PCBP3: variants seen among roughly 807,000 people sequenced by gnomAD.
PCBP3 encodes the protein poly(rC)-binding protein 3.
PCBP3 carries 25 observed loss-of-function variants against 52.7 expected under a neutral mutation model. That is an observed-to-expected ratio of 0.47 (90% CI 0.35 to 0.66). The LOEUF (loss-of-function observed/expected upper bound fraction) is 0.66, where lower values mean the gene tolerates loss of function less well. Among genes scored for constraint, PCBP3 ranks in the 30% least tolerant of loss-of-function variants. The pLI is 0.01. For synonymous variants in PCBP3, 162 were observed against 183.0 expected (o/e 0.89, Z 0.93); for missense variants, 391 against 490.3 (o/e 0.80, Z 1.91).
chr21:45,709,630 G>A (rs1171025291), intron 2 of PCBP3, among the ~76,000 whole-genome samples: 1 of 151,992 alleles, frequency 6.6e-6, no homozygotes, highest in Non-Finnish European at 1.5e-5. Flanking sequence ...GAATTATGAT[G>A]AGGATGGTAC....
chr21:45,930,946 T>C, intron 15 of PCBP3, 101 bp downstream of exon 15: 1 of 1,520,840 alleles, frequency 6.6e-7, no homozygotes, highest in Non-Finnish European at 8.9e-7. Flanking sequence ...AGTTTCCAGC[T>C]TCCATGGGAG....
chr21:45,833,199 G>A (rs913860591), intron 4 of PCBP3, among the ~76,000 whole-genome samples: 5 of 152,156 alleles, frequency 3.3e-5, no homozygotes, highest in African/African-American at 4.8e-5. Flanking sequence ...CCCCCACCTC[G>A]CGGTTATTAA....
chr21:45,918,383 TG>T (rs1376151362), intron 13 of PCBP3: 1 of 110,720 alleles, frequency 9.0e-6, no homozygotes, highest in Non-Finnish European at 2.0e-5. Flanking sequence ...AAACGGTCGG[TG>T]TAATTCCAGT....
chr21:45,657,685 A>G (rs76089035), intron 1 of PCBP3, among the ~76,000 whole-genome samples: 1 of 151,736 alleles, frequency 6.6e-6, no homozygotes, highest in African/African-American at 2.4e-5. Flanking sequence ...AAAAAAAAAA[A>G]GGCAGGTAGA....
intron 5 of PCBP3, among the ~76,000 whole-genome samples, chr21:45,857,320 A>G (rs926174531): frequency 2.6e-5 from 4 of 152,192 alleles, no homozygotes; most frequent in African/African-American, 9.7e-5. Context: ...AATAAAACCC[A>G]TCTGATGAGA....
chr21:45,899,470 A>T (rs1003074011), intron 6 of PCBP3, 129 bp from the exon 7 acceptor site: 1 of 678,942 alleles, frequency 1.5e-6, no homozygotes, highest in Non-Finnish European at 2.7e-6. Context: ...TCCCTTCTTC[A>T]TGCACACCGG....
At chr21:45,657,521 G>A (rs2080095924) in intron 1 of PCBP3, among the ~76,000 whole-genome samples, 1 of 152,142 alleles carries the variant, frequency 6.6e-6, no homozygotes, top group Non-Finnish European at 1.5e-5. Flanking sequence ...CTCTCTCTAT[G>A]CCAGCAGCAC....
intron 13 of PCBP3, among the ~76,000 whole-genome samples, chr21:45,925,064 C>T (rs1312159144): frequency 3.2e-5 from 3 of 92,654 alleles, no homozygotes; most frequent in South Asian, 2.9e-4. Flanking sequence ...CACGTAAGAT[C>T]GGGTGTGCGT....
chr21:45,940,013 C>G lies in PCBP3; in HGVS notation c.910-17C>G. 1 of 1,609,876 alleles carries G rather than the reference C, an allele frequency of 6.2e-7. No homozygotes were observed. Among genetic ancestry groups the G allele is most frequent in the Non-Finnish European group, 8.5e-7 (1 of 1,176,946 alleles). On this transcript the variant is annotated splice_polypyrimidine_tract_variant and intron_variant, in intron 16 of 17. Coordinates refer to ENST00000681687, the MANE Select transcript of PCBP3 (RefSeq NM_001384156.1). ...CTTGGGCTGTTCTCTAAGAAATCCC[C>G]CCGTCCTTGTTTCTAGCTAATAGGC...
chr21:45,809,580 G>A lies in PCBP3; in HGVS notation c.-125-40381G>A, dbSNP rs538777244. Among the ~76,000 whole-genome samples the A allele has an allele frequency of 2.6e-5, 4 of 152,316 alleles. No individual in the cohort carries two copies. The South Asian group carries it at 8.3e-4, about 32-fold the overall frequency. On this transcript the variant is annotated intron_variant, in intron 4 of 17. Coordinates refer to ENST00000681687, the MANE Select transcript of PCBP3 (RefSeq NM_001384156.1). ...TGCTCGGCTCTGGATCCACGTGGAG[G>A]AGCTGATCTGAGCAGGGCTTGACTC...
intron 4 of PCBP3, among the ~76,000 whole-genome samples, chr21:45,818,758 C>T (rs985524119): frequency 6.6e-6 from 1 of 152,170 alleles, no homozygotes; most frequent in African/African-American, 2.4e-5. Context: ...TTGGAAGCAA[C>T]CAAGACATCC....
At chr21:45,937,252 C>T (rs929267196) in intron 16 of PCBP3, among the ~76,000 whole-genome samples, 2 of 152,220 alleles carry the variant, frequency 1.3e-5, no homozygotes, top group African/African-American at 2.4e-5. Flanking sequence ...ACAGGCTCCC[C>T]AGCACGGCCA....
At chr21:45,912,088 C>T (rs1015942017) in intron 11 of PCBP3, among the ~76,000 whole-genome samples, 2 of 152,196 alleles carry the variant, frequency 1.3e-5, no homozygotes, top group Non-Finnish European at 2.9e-5. Flanking sequence ...GTCTCGTCAG[C>T]GTCACCCAGT....
intron 14 of PCBP3, 34 bp from the exon 15 acceptor site, chr21:45,930,752 A>C (rs2076074289): frequency 9.9e-7 from 1 of 1,008,474 alleles, no homozygotes; most frequent in Non-Finnish European, 1.6e-6. Context: ...CCTTGAGGGC[A>C]AAACATTAAA....
intron 2 of PCBP3, among the ~76,000 whole-genome samples, chr21:45,700,569 C>G (rs2083058814): frequency 6.6e-6 from 1 of 152,184 alleles, no homozygotes; most frequent in African/African-American, 2.4e-5. Flanking sequence ...AAGGTGCCCG[C>G]CCAGCAACAA....
intron 17 of PCBP3, among the ~76,000 whole-genome samples, chr21:45,941,317 C>A (rs1259686596): frequency 1.3e-5 from 2 of 152,198 alleles, no homozygotes; most frequent in Non-Finnish European, 2.9e-5. Context: ...CCCACATACA[C>A]TTACTCCTGT....
In PCBP3 at chr21:45,880,201, G is replaced by A. The variant is rs3788226; in HGVS notation, c.11-16007G>A. 0.77 allele frequency among the ~76,000 whole-genome samples: 116,865 copies of A among 152,210 alleles called. 45,363 individuals carry two copies. Among genetic ancestry groups the A allele is most frequent in the East Asian group, 1 (5,138 of 5,162 alleles). On this transcript the variant is annotated intron_variant, in intron 5 of 17. Coordinates refer to ENST00000681687, the MANE Select transcript of PCBP3 (RefSeq NM_001384156.1). This position sits in a 1 kb window ranked among gnomAD's most constrained non-coding sequence, Gnocchi z 5.4. Reference sequence around the variant, plus strand: ...GGGAGCTGGTGGATTTGCAAGTCACGGCCAGCCTTCGAAAGCAGGACTGTT... The same window carrying A: ...GGGAGCTGGTGGATTTGCAAGTCACAGCCAGCCTTCGAAAGCAGGACTGTT...
At chr21:45,746,126 A>T (rs1232209112) in intron 3 of PCBP3, among the ~76,000 whole-genome samples, 1 of 135,586 alleles carries the variant, frequency 7.4e-6, no homozygotes, top group Non-Finnish European at 1.5e-5. Context: ...GACGTAGCGC[A>T]CACGGTGTTG....
chr21:45,868,728 C>G (rs968715508), intron 5 of PCBP3, among the ~76,000 whole-genome samples: 1 of 152,230 alleles, frequency 6.6e-6, no homozygotes, highest in Non-Finnish European at 1.5e-5. Flanking sequence ...CCGGAAACTG[C>G]AGCCCACAGC....
Sources: gnomAD v4.1 joint callset for allele counts (sites outside exome capture counted in the v4.1 genomes callset) on GRCh38, gnomAD v4.1.1 for gene constraint, Gnocchi (gnomAD v3.1) non-coding constraint, MANE v1.5 for transcripts, NCBI Gene and HGNC (gene_info 2026-07-23, HGNC 2026-07-21) for gene names.